ITGB7: variants seen among roughly 807,000 people sequenced by gnomAD.
ITGB7 encodes integrin beta-7.
In ITGB7, 55 loss-of-function variants were observed where a neutral mutation model predicts 83.4. That is an observed-to-expected ratio of 0.66 (90% CI 0.53 to 0.83). ITGB7 has a LOEUF of 0.83. ITGB7 is among the 40% of genes least tolerant of loss of function. ITGB7 has a pLI of 0.00. For missense variants in ITGB7, 921 were observed against 1,046.7 expected (o/e 0.88, Z 1.66); for synonymous variants, 454 against 423.6 (o/e 1.07, Z -0.88).
chr12:53,200,405 G>A lies in ITGB7; in HGVS notation c.39C>T (p.Val13=), dbSNP rs747957318. ...CCAATTCACTCTCACCTCTGCTCAG[G>A]ACCAGCAGCAAAACAAGGACCATTG... is the stretch of plus-strand genomic sequence containing the variant. The part of the protein sequence containing the change: ...ALPMVLVLLL[V]LSRGESELDA... The change falls in exon 3 of 16, where the codon GTC becomes GTT. Residue 13 remains valine (V), a synonymous_variant. Transcript: ENST00000267082. 69 of 1,613,990 alleles carry A rather than the reference G, an allele frequency of 4.3e-5. No homozygotes were observed. Among genetic ancestry groups the A allele is most frequent in the Non-Finnish European group, 5.5e-5 (65 of 1,180,030 alleles).
intron 14 of ITGB7, 62 bp downstream of exon 14, chr12:53,192,268 T>A: frequency 4.0e-6 from 6 of 1,507,540 alleles, no homozygotes; most frequent in Non-Finnish European, 5.5e-6. Context: ...TCACTCTGCA[T>A]CCCCAGAGTT....
intron 1 of ITGB7, among the ~76,000 whole-genome samples, chr12:53,204,666 C>T (rs1320111241): frequency 6.6e-6 from 1 of 152,020 alleles, no homozygotes; most frequent in Non-Finnish European, 1.5e-5. Context: ...CTGAATTGTA[C>T]ACTTAAAAGG....
Position 53,200,282 on chromosome 12 carries a change from G to A in ITGB7, c.162C>T (p.Cys54=), listed in dbSNP as rs183203082. The A allele has an allele frequency of 2.5e-6, 4 of 1,614,148 alleles. No individual in the cohort carries two copies. Among genetic ancestry groups the A allele is most frequent in the Non-Finnish European group, 3.4e-6 (4 of 1,180,044 alleles). ...SCQPAPSCQK[C]ILSHPSCAWC... is the part of the protein sequence containing the mutation. ...ATGCACAGCTGGGGTGTGAGAGGAT[G>A]CACTTCTGGCAGGAGGGGGCTGGCT... Residue 54 remains cysteine (C), a synonymous_variant, in exon 3 of 16, where the codon TGC becomes TGT. Coordinates refer to ENST00000267082, the MANE Select transcript of ITGB7 (RefSeq NM_000889.3).
chr12:53,204,736 A>G (rs1942393895), intron 1 of ITGB7, among the ~76,000 whole-genome samples: 1 of 151,960 alleles, frequency 6.6e-6, no homozygotes, highest in Non-Finnish European at 1.5e-5. Flanking sequence ...GTTAAATAAG[A>G]TGGTGAGAAA....
At position 53,191,891 on chromosome 12, in the gene ITGB7, C is replaced by G. The variant is rs543658428; in HGVS notation, c.2284G>C (p.Glu762Gln). The G allele has an allele frequency of 3.1e-6, 5 of 1,613,136 alleles. No individual in the cohort carries two copies. The East Asian group carries it at 1.1e-4, about 36-fold the overall frequency. The change falls in exon 15 of 16, where the codon GAG becomes CAG. Residue 762 changes from glutamate (E) to glutamine (Q), a missense_variant. Coordinates refer to ENST00000267082, the MANE Select transcript of ITGB7 (RefSeq NM_000889.3). Reference protein sequence around the residue: ...IYDRREYSRFEKEQQQLNWKQ... With the variant: ...IYDRREYSRFQKEQQQLNWKQ... ...CAGTTGAGTTGTTGCTGCTCCTTCTCAAAGCGACTGTATTCCCGGCGGTCA... is the reference window on the plus strand; with the variant it reads ...CAGTTGAGTTGTTGCTGCTCCTTCTGAAAGCGACTGTATTCCCGGCGGTCA...
chr12:53,193,486 G>C, intron 11 of ITGB7, 123 bp from the exon 12 acceptor site: 1 of 805,164 alleles, frequency 1.2e-6, no homozygotes, highest in Admixed American at 2.9e-5. Flanking sequence ...CAGCTGAAAG[G>C]ATGTTAAGTA....
chr12:53,200,468 G>GA (rs751966729), intron 2 of ITGB7, 22 bp from the exon 3 acceptor site: 1 of 1,604,594 alleles, frequency 6.2e-7, no homozygotes, highest in South Asian at 1.1e-5. Context: ...TATAAAGGGG[G>GA]ACATGTGGGT....
In ITGB7 at chr12:53,193,703, C is replaced by G. The variant is rs765330941; in HGVS notation, c.1502+5G>C. ...AGGTGGTTGAAGGGAAGAGGAGGCC[C>G]TCACCTGCATACACCACATTGTAGG... On this transcript the variant is annotated splice_donor_5th_base_variant and intron_variant, in intron 11 of 15. Transcript: ENST00000267082. 7 of 1,602,650 alleles carry G rather than the reference C, an allele frequency of 4.4e-6. No individual in the cohort carries two copies. In the South Asian group the frequency reaches 7.8e-5, roughly 18 times the overall value.
intron 1 of ITGB7, among the ~76,000 whole-genome samples, chr12:53,202,785 A>AC (rs1256117974): frequency 6.6e-6 from 1 of 152,012 alleles, no homozygotes; most frequent in African/African-American, 2.4e-5. Flanking sequence ...ACATAGTGAA[A>AC]CCCCGTCTCT....
Position 53,192,755 on chromosome 12 carries a change from C to T in ITGB7, c.1882G>A (p.Asp628Asn). The T allele has an allele frequency of 6.2e-7, 1 of 1,614,254 alleles. No homozygotes were observed. The highest frequency in any genetic ancestry group is 8.5e-7 in the Non-Finnish European group (1 of 1,180,052). Residue 628 changes from aspartate (D) to asparagine (N), a missense_variant, in exon 13 of 16, where the codon GAC becomes AAC. Transcript: ENST00000267082. The stretch of plus-strand genomic sequence containing the variant: ...TCGCATAGAGCACCATAGTAGCCGT[C>T]CAAGCACTGGCAGCGGTTGCATTTG... ...RCKCNRCQCL[D>N]GYYGALCDQC... is the part of the protein sequence containing the mutation.
intron 12 of ITGB7, 80 bp downstream of exon 12, chr12:53,193,060 C>T (rs949006589): frequency 7.0e-7 from 1 of 1,425,670 alleles, no homozygotes; most frequent in Middle Eastern, 1.8e-4. Flanking sequence ...TATTTGCCTT[C>T]CATGCCAGGA....
At position 53,192,813 on chromosome 12, in the gene ITGB7, G is replaced by A. The variant is rs746051191; in HGVS notation, c.1824C>T (p.Pro608=). ...CATGCCCACTGCAGAGCCCTCCCTC[G>A]GGACTGATGCAACTGTCCATGTCCC... The part of the protein sequence containing the change: ...CSGDMDSCIS[P]EGGLCSGHGR... The change falls in exon 13 of 16, where the codon CCC becomes CCT. Residue 608 remains proline (P), a synonymous_variant. Coordinates refer to ENST00000267082, the MANE Select transcript of ITGB7 (RefSeq NM_000889.3). The A allele has an allele frequency of 1.7e-5, 28 of 1,614,072 alleles. No homozygotes were observed. The African/African-American group carries it at 1.9e-4, about 11-fold the overall frequency.
Position 53,197,630 on chromosome 12 carries a change from C to G in ITGB7, c.437G>C (p.Arg146Pro), listed in dbSNP as rs775018746. ...EPQQLQVRFL[R>P]AEGYPVDLYY... ...CAGGTCCACCGGGTATCCCTCAGCA[C>G]GAAGGAAGCGGACCTGGAGCTGCTG... The change falls in exon 5 of 16, where the codon CGT becomes CCT. Residue 146 changes from arginine (R) to proline (P), a missense_variant. Physicochemically the swap from Arg to Pro is moderately radical, Grantham distance 103 (BLOSUM62 -2). Transcript: ENST00000267082. 2.5e-6 allele frequency: 4 copies of G among 1,613,954 alleles called. No homozygotes were observed. Among genetic ancestry groups the G allele is most frequent in the South Asian group, 2.2e-5 (2 of 91,078 alleles).
chr12:53,191,712 C>G, intron 15 of ITGB7, 76 bp from the exon 16 acceptor site: 1 of 1,538,448 alleles, frequency 6.5e-7, no homozygotes, highest in African/African-American at 1.4e-5. Flanking sequence ...AGAGGCCAGC[C>G]TTGAGCCGAA....
intron 6 of ITGB7, 112 bp from the exon 7 acceptor site, chr12:53,196,311 A>G (rs2120456343): frequency 7.6e-7 from 1 of 1,315,032 alleles, no homozygotes; most frequent in Non-Finnish European, 1.1e-6. Flanking sequence ...CAGCTTGTCC[A>G]TCCCCTTGCC....
intron 2 of ITGB7, 149 bp from the exon 3 acceptor site, chr12:53,200,595 G>A (rs1176598239): frequency 1.3e-5 from 9 of 685,546 alleles, no homozygotes; most frequent in Non-Finnish European, 2.2e-5. Flanking sequence ...TGTGGATTCA[G>A]CAGTTTCTTC....
At position 53,204,986 on chromosome 12, in the gene ITGB7, A is replaced by C. The variant is rs191859271; in HGVS notation, c.-127+2216T>G. On this transcript the variant is annotated intron_variant, in intron 1 of 15. Transcript: ENST00000267082. ...ATTACAGGTGTGAGCCACCACACCC[A>C]GCTAATTTTTGTGTTTTTAGTAGAG... 1.7e-3 allele frequency among the ~76,000 whole-genome samples: 254 copies of C among 151,746 alleles called. 2 individuals are homozygous for C. Among genetic ancestry groups the C allele is most frequent in the African/African-American group, 5.9e-3 (246 of 41,350 alleles).
At position 53,197,909 on chromosome 12, in the gene ITGB7, G is replaced by C. The variant is rs780819618; in HGVS notation, c.244C>G (p.Arg82Gly). The part of the protein sequence containing the change: ...SGEAEARRCA[R>G]REELLARGCP... ...CCTCGAGCCAGCAGCTCCTCTCGTC[G>C]GGCGCAGCGCCGCGCCTCCGCCTCT... The change falls in exon 4 of 16, where the codon CGA (arginine) becomes GGA (glycine). Residue 82 changes from arginine to glycine, a missense_variant. Coordinates refer to ENST00000267082, the MANE Select transcript of ITGB7 (RefSeq NM_000889.3). 3.2e-6 allele frequency: 5 copies of C among 1,546,020 alleles called. No homozygotes were observed. Among genetic ancestry groups the C allele is most frequent in the South Asian group, 2.4e-5 (2 of 85,098 alleles).
chr12:53,193,641 A>G, intron 11 of ITGB7, 67 bp downstream of exon 11: 2 of 1,362,456 alleles, frequency 1.5e-6, no homozygotes, highest in Non-Finnish European at 2.0e-6. Flanking sequence ...AAAGCAGCGG[A>G]GGAATACGGG....
Sources: allele counts gnomAD v4.1 joint callset (sites outside exome capture counted in the v4.1 genomes callset), GRCh38; gene constraint gnomAD v4.1.1; transcripts MANE v1.5; gene names NCBI Gene and HGNC (gene_info 2026-07-23, HGNC 2026-07-21).